The following APCDD1L variants were observed in gnomAD, a reference collection of about 807,000 sequenced individuals.
The protein encoded by APCDD1L is protein APCDD1-like.
In APCDD1L, 21 loss-of-function variants were observed where a neutral mutation model predicts 24.2. The observed-to-expected ratio is 0.87, with a 90% CI of 0.61 to 1.25. The LOEUF is 1.25. APCDD1L is among the 50% of genes most tolerant of loss of function. The probability of loss-of-function intolerance (pLI) is 0.00; values close to 1 mark genes in which losing one functional copy is unlikely to be tolerated. For synonymous variants in APCDD1L, 321 were observed against 323.6 expected, an observed-to-expected ratio of 0.99 and a Z score of 0.09; for missense variants, 704 against 711.7, an observed-to-expected ratio of 0.99 and a Z score of 0.12.
intron 3 of APCDD1L, among the ~76,000 whole-genome samples, chr20:58,466,780 A>G (rs1301791504): frequency 6.6e-6 from 1 of 152,090 alleles, no homozygotes; most frequent in Non-Finnish European, 1.5e-5. Context: ...AGGGAGGGGG[A>G]CACCCACCAA....
At chr20:58,462,049 C>T (rs1041417169) in intron 3 of APCDD1L, 2 of 156,690 alleles carry the variant, frequency 1.3e-5, no homozygotes, top group African/African-American at 2.4e-5. Flanking sequence ...CCCATCCCCA[C>T]CGCACAGGGC....
intron 1 of APCDD1L, among the ~76,000 whole-genome samples, chr20:58,488,959 G>A (rs1263265715): frequency 6.6e-6 from 1 of 152,066 alleles, no homozygotes; most frequent in African/African-American, 2.4e-5. Context: ...CCTCTGCTAA[G>A]ACTGATCAAA....
chr20:58,460,643 G>T lies in APCDD1L; in HGVS notation c.*147C>A. ...TTAAGCTCATGTCCTGAGCCACATG[G>T]GACACAGGCAGAGTTTGGAAGCAGT... is the stretch of plus-strand genomic sequence containing the variant. On this transcript the variant is annotated 3_prime_UTR_variant, in exon 4 of 4. Transcript: ENST00000371149. The surrounding 1 kb of genome is among the most constrained non-coding windows in gnomAD (Gnocchi z 4.2). 9.3e-7 allele frequency: 1 copy of T among 1,072,136 alleles called. No homozygotes were observed. Among genetic ancestry groups the T allele is most frequent in the Non-Finnish European group, 1.3e-6 (1 of 787,210 alleles). The allele number at this position is 1,072,136 out of a possible 1,614,324, so 66.4% of individuals were successfully genotyped here.
At chr20:58,482,357 C>T (rs941739982) in intron 1 of APCDD1L, among the ~76,000 whole-genome samples, 1 of 152,146 alleles carries the variant, frequency 6.6e-6, no homozygotes, top group African/African-American at 2.4e-5. Context: ...GAAAGACCGG[C>T]TATAAGTCTG....
chr20:58,472,067 G>C (rs957369790), intron 1 of APCDD1L, among the ~76,000 whole-genome samples: 3 of 152,186 alleles, frequency 2.0e-5, no homozygotes, highest in Admixed American at 2.0e-4. Flanking sequence ...GCCCCCCACT[G>C]CCCCCGCGGA....
intron 1 of APCDD1L, among the ~76,000 whole-genome samples, chr20:58,502,221 C>T (rs1990449280): frequency 6.6e-6 from 1 of 152,160 alleles, no homozygotes; most frequent in Admixed American, 6.5e-5. Flanking sequence ...CTGCCTCAGC[C>T]TCCCAAGTAG....
chr20:58,492,030 TCGGTTCATACCCC>T (rs1202275493), intron 1 of APCDD1L, among the ~76,000 whole-genome samples: 1 of 152,170 alleles, frequency 6.6e-6, no homozygotes, highest in Non-Finnish European at 1.5e-5. Context: ...GGAAAAGAAG[TCGGTTCATACCCC>T]CAAATCAACT....
intron 1 of APCDD1L, among the ~76,000 whole-genome samples, chr20:58,473,162 C>A (rs1989845061): frequency 1.3e-5 from 2 of 152,156 alleles, no homozygotes; most frequent in South Asian, 4.1e-4. Flanking sequence ...AGGGGCCCTG[C>A]AAATTATCTT....
At position 58,460,873 on chromosome 20, in the gene APCDD1L, G is replaced by A; in HGVS notation, c.1423C>T (p.His475Tyr). 3 of 1,588,336 alleles carry A rather than the reference G, an allele frequency of 1.9e-6. No homozygotes were observed. The highest frequency in any genetic ancestry group is 2.6e-6 in the Non-Finnish European group (3 of 1,164,976). Reference protein sequence around the residue: ...PPQHRPSLQKHPSTGGLHIAP... With the variant: ...PPQHRPSLQKYPSTGGLHIAP... Reference sequence around the variant, plus strand: ...ATGTGAAGACCCCCTGTGCTGGGGTGCTTCTGCAGCGATGGCCTGTGCTGC... The same window carrying A: ...ATGTGAAGACCCCCTGTGCTGGGGTACTTCTGCAGCGATGGCCTGTGCTGC... The change falls in exon 4 of 4, where the codon CAC (histidine) becomes TAC (tyrosine). Residue 475 changes from histidine (H) to tyrosine (Y), a missense_variant. Physicochemically the swap from His to Tyr is moderately conservative, Grantham distance 83 (BLOSUM62 2). Transcript: ENST00000371149. The surrounding 1 kb of genome is among the most constrained non-coding windows in gnomAD (Gnocchi z 4.2).
At chr20:58,462,096 A>T (rs1284083123) in intron 3 of APCDD1L, 1 of 153,002 alleles carries the variant, frequency 6.5e-6, no homozygotes, top group African/African-American at 2.4e-5. Flanking sequence ...TGCATGAATA[A>T]ATGAGAAATG....
intron 1 of APCDD1L, among the ~76,000 whole-genome samples, chr20:58,480,233 C>T (rs570221610): frequency 3.3e-5 from 5 of 152,300 alleles, no homozygotes; most frequent in South Asian, 4.2e-4. Context: ...CTCCACCCGC[C>T]GCAGCCTTCA....
rs376210258 is a variant in APCDD1L at position 58,467,695 on chromosome 20, G to C, written c.189-37C>G. 7.3e-5 allele frequency: 104 copies of C among 1,431,926 alleles called. No homozygotes were observed. The African/African-American group carries it at 1.2e-3, about 17-fold the overall frequency. 88.7% of individuals were successfully genotyped at this position (1,431,926 alleles called of 1,614,324 possible). ...GAAGGAGATGGGCTGGGTGCAGAGG[G>C]AACACCGCGCCGCGAGCCCCTCTCC... On this transcript the variant is annotated intron_variant, in intron 2 of 3. Coordinates refer to ENST00000371149, the MANE Select transcript of APCDD1L (RefSeq NM_153360.3). This position sits in a 1 kb window ranked among gnomAD's most constrained non-coding sequence, Gnocchi z 5.9.
At chr20:58,514,620 G>C (rs755352532) in intron 1 of APCDD1L, 39 bp downstream of exon 1, 1 of 1,307,644 alleles carries the variant, frequency 7.6e-7, no homozygotes, top group South Asian at 3.3e-5. Flanking sequence ...TCCCTTCCGA[G>C]CTCAGCCAGT....
At chr20:58,469,323 G>A (rs1276486612) in intron 2 of APCDD1L, among the ~76,000 whole-genome samples, 2 of 145,978 alleles carry the variant, frequency 1.4e-5, no homozygotes, top group Admixed American at 6.9e-5. Context: ...AAATAGGGAG[G>A]GGTGAGCCAC....
intron 1 of APCDD1L, among the ~76,000 whole-genome samples, chr20:58,480,893 CA>C (rs1402228561): frequency 1.3e-5 from 2 of 152,202 alleles, no homozygotes; most frequent in Non-Finnish European, 2.9e-5. Flanking sequence ...TCCAAAGAGC[CA>C]AGGAAGCAGG....
chr20:58,495,428 G>A (rs1387720695), intron 1 of APCDD1L, among the ~76,000 whole-genome samples: 1 of 152,178 alleles, frequency 6.6e-6, no homozygotes, highest in Non-Finnish European at 1.5e-5. Flanking sequence ...GCAGGGCTGG[G>A]GGCCACAGTG....
chr20:58,471,027 G>A (rs573157432), intron 1 of APCDD1L, among the ~76,000 whole-genome samples: 1 of 152,316 alleles, frequency 6.6e-6, no homozygotes, highest in South Asian at 2.1e-4. Flanking sequence ...CAGATTCTGG[G>A]GCTGGGAGGC....
chr20:58,490,473 G>A (rs1990204600), intron 1 of APCDD1L, among the ~76,000 whole-genome samples: 1 of 152,204 alleles, frequency 6.6e-6, no homozygotes, highest in Non-Finnish European at 1.5e-5. Flanking sequence ...CCTCGCTAGC[G>A]AGAACTTAAC....
In APCDD1L at chr20:58,461,151, G is replaced by A. The variant is rs765708116; in HGVS notation, c.1145C>T (p.Ala382Val). 172 of 1,612,560 alleles carry A rather than the reference G, an allele frequency of 1.1e-4. No homozygotes were observed. Among genetic ancestry groups the A allele is most frequent in the Non-Finnish European group, 1.3e-4 (159 of 1,179,300 alleles). Residue 382 changes from alanine (A) to valine (V), a missense_variant, in exon 4 of 4, where the codon GCG (alanine) becomes GTG (valine). By Grantham distance (64) the Ala-to-Val change is moderately conservative. Coordinates refer to ENST00000371149, the MANE Select transcript of APCDD1L (RefSeq NM_153360.3). The surrounding 1 kb of genome is among the most constrained non-coding windows in gnomAD (Gnocchi z 6.0). ...CTCAGTGCCCATGGACCAGGCCCCC[G>A]CACCCCCACAGCTGCTTGGCTCAGA... ...NFSEPSSCGG[A>V]GAWSMGTERD...
Sources: allele counts gnomAD v4.1 joint callset (sites outside exome capture counted in the v4.1 genomes callset), GRCh38; gene constraint gnomAD v4.1.1; non-coding constraint Gnocchi (gnomAD v3.1); transcripts MANE v1.5; gene names NCBI Gene and HGNC (gene_info 2026-07-23, HGNC 2026-07-21).